Variants in ZNF516 observed in about 807,000 individuals in gnomAD.
The protein encoded by ZNF516 is zinc finger protein 516.
ZNF516 carries 19 observed loss-of-function variants against 79.7 expected under a neutral mutation model. The observed-to-expected ratio is 0.24, with a 90% CI of 0.17 to 0.35. The LOEUF (loss-of-function observed/expected upper bound fraction) is 0.35, where lower values mean the gene tolerates loss of function less well. ZNF516 is among the 10% of genes least tolerant of loss of function. The probability of loss-of-function intolerance (pLI) is 1.00; values close to 1 mark genes in which losing one functional copy is unlikely to be tolerated. For synonymous variants in ZNF516, 877 were observed against 739.5 expected (o/e 1.19, Z -3.02); for missense variants, 1,678 against 1,679.5 (o/e 1.00, Z 0.02).
intron 3 of ZNF516, among the ~76,000 whole-genome samples, chr18:76,430,980 G>A (rs1423362926): frequency 6.6e-6 from 1 of 152,182 alleles, no homozygotes; most frequent in African/African-American, 2.4e-5. Flanking sequence ...AGTAACTGGA[G>A]TCTTACTTTC....
intron 1 of ZNF516, among the ~76,000 whole-genome samples, chr18:76,486,211 T>C (rs571205267): frequency 6.6e-6 from 1 of 152,320 alleles, no homozygotes; most frequent in South Asian, 2.1e-4. Flanking sequence ...CAAACGACCA[T>C]TCTGTACAAC....
At position 76,441,648 on chromosome 18, in the gene ZNF516, A is replaced by C; in HGVS notation, c.1407T>G (p.Asp469Glu). ...VSQEKRKREQDAPAAQGPPRK... is the reference protein window; with the variant it reads ...VSQEKRKREQEAPAAQGPPRK... ...GCGGGGGCCCCTGCGCGGCTGGTGC[A>C]TCCTGCTCACGCTTGCGCTTCTCCT... Residue 469 changes from aspartate to glutamate, a missense_variant, in exon 3 of 7, where the codon GAT (aspartate) becomes GAG (glutamate). Physicochemically the swap from Asp to Glu is conservative, Grantham distance 45. Around this residue, in one of 5 missense-constraint regions of ZNF516, gnomAD observed 1,294 missense variants for 1,248.3 expected, o/e 1.04. Coordinates refer to ENST00000443185, the MANE Select transcript of ZNF516 (RefSeq NM_014643.4). The C allele has an allele frequency of 6.5e-7, 1 of 1,535,270 alleles. No homozygotes were observed. The highest frequency in any genetic ancestry group is 8.8e-7 in the Non-Finnish European group (1 of 1,141,874).
rs1568296763 is a variant in ZNF516, at chr18:76,442,238, A to T, written c.817T>A (p.Ser273Thr). Residue 273 changes from serine (S) to threonine (T), a missense_variant, in exon 3 of 7, where the codon TCC becomes ACC. This residue lies in a region of ZNF516 where 17 missense variants were observed against 51.8 expected (regional missense o/e 0.33). Transcript: ENST00000443185. The part of the protein sequence containing the change: ...LKAHMKKHRG[S>T]FDHGCHICGR... ...CAGATGTGGCAGCCGTGGTCGAAGG[A>T]GCCCCGGTGCTTCTTCATGTGCGCC... The T allele has an allele frequency of 3.1e-6, 5 of 1,613,718 alleles. No homozygotes were observed. The highest frequency in any genetic ancestry group is 1.1e-5 in the South Asian group (1 of 91,078).
intron 1 of ZNF516, chr18:76,491,166 C>T: frequency 2.3e-5 from 21 of 929,906 alleles, no homozygotes; most frequent in South Asian, 4.9e-5. Flanking sequence ...ACCTGGGCTC[C>T]GCCGCGCCTC....
Position 76,378,876 on chromosome 18 carries a change from C to T in ZNF516, c.3238G>A (p.Gly1080Ser), listed in dbSNP as rs745468302. The stretch of plus-strand genomic sequence containing the variant: ...TTACCTCTGTGCTCCAACCCAGGGC[C>T]GCTGACACCCCATCCCTGGTAGAGG... ...ATLYQGWGVS[G>S]PGLEHRGTLR... Residue 1080 changes from glycine (G) to serine (S), a missense_variant, in exon 4 of 7, where the codon GGC (glycine) becomes AGC (serine). By Grantham distance (56) the Gly-to-Ser change is moderately conservative. This residue lies in a region of ZNF516 where 1,294 missense variants were observed against 1,248.3 expected (regional missense o/e 1.04). Coordinates refer to ENST00000443185, the MANE Select transcript of ZNF516 (RefSeq NM_014643.4). The T allele has an allele frequency of 8.7e-6, 14 of 1,613,360 alleles. No homozygotes were observed. The highest frequency in any genetic ancestry group is 3.3e-5 in the South Asian group (3 of 91,032).
At chr18:76,490,249 C>T (rs1329343611) in intron 1 of ZNF516, 5 of 965,608 alleles carry the variant, frequency 5.2e-6, no homozygotes, top group South Asian at 4.8e-5. Flanking sequence ...CCTGACACCA[C>T]GGCAGGCTCC....
chr18:76,471,188 C>T (rs536847044), intron 1 of ZNF516, among the ~76,000 whole-genome samples: 1 of 151,766 alleles, frequency 6.6e-6, no homozygotes, highest in African/African-American at 2.4e-5. Flanking sequence ...TAAAAGTATG[C>T]ATATCTGGCA....
chr18:76,461,641 C>T (rs1424708322), intron 2 of ZNF516, among the ~76,000 whole-genome samples: 1 of 152,234 alleles, frequency 6.6e-6, no homozygotes, highest in Admixed American at 6.5e-5. Context: ...AATCAGAAAA[C>T]ATACATCGGG....
chr18:76,392,732 A>G (rs1269543804), intron 3 of ZNF516, among the ~76,000 whole-genome samples: 6 of 10,640 alleles, frequency 5.6e-4, no homozygotes, highest in African/African-American at 2.9e-3. Context: ...GCAGGTGACC[A>G]GGTGGGGGAA....
chr18:76,463,649 T>C (rs1057062031), intron 1 of ZNF516, among the ~76,000 whole-genome samples: 4 of 152,078 alleles, frequency 2.6e-5, no homozygotes, highest in Non-Finnish European at 5.9e-5. Context: ...AGCATCTGCG[T>C]TTACAAAACA....
At chr18:76,411,173 C>A (rs759524165) in intron 3 of ZNF516, among the ~76,000 whole-genome samples, 1 of 152,210 alleles carries the variant, frequency 6.6e-6, no homozygotes, top group Non-Finnish European at 1.5e-5. Flanking sequence ...CTGTTCAACA[C>A]GTAGCCTCTC....
chr18:76,399,446 G>T (rs1394473508), intron 3 of ZNF516, among the ~76,000 whole-genome samples: 3 of 152,282 alleles, frequency 2.0e-5, no homozygotes, highest in Non-Finnish European at 4.4e-5. Flanking sequence ...CATTACATGT[G>T]GGGGATTATA....
At chr18:76,370,449 C>T (rs1029024960) in intron 6 of ZNF516, 79 bp downstream of exon 6, 49 of 1,334,470 alleles carry the variant, frequency 3.7e-5, no homozygotes, top group Non-Finnish European at 4.6e-5. Context: ...GAAGGTCATG[C>T]TTCAGTGATG....
At chr18:76,479,014 C>G (rs1392947082) in intron 1 of ZNF516, among the ~76,000 whole-genome samples, 1 of 152,002 alleles carries the variant, frequency 6.6e-6, no homozygotes, top group East Asian at 1.9e-4. Context: ...CGAGATCATG[C>G]CACTGCACTC....
At chr18:76,401,032 T>C (rs1474610322) in intron 3 of ZNF516, among the ~76,000 whole-genome samples, 1 of 152,222 alleles carries the variant, frequency 6.6e-6, no homozygotes, top group African/African-American at 2.4e-5. Flanking sequence ...TTCTCTCCTA[T>C]TTTTAAAAAG....
intron 5 of ZNF516, 71 bp downstream of exon 5, chr18:76,371,396 G>T: frequency 6.9e-7 from 1 of 1,439,600 alleles, no homozygotes; most frequent in Non-Finnish European, 9.4e-7. Flanking sequence ...GCTGCGGATG[G>T]TCAAGCCACT....
rs900666113 is a variant in ZNF516 at position 76,467,746 on chromosome 18, G to C, written c.-271-4605C>G. Among the ~76,000 whole-genome samples, 90 of 152,334 alleles carry C rather than the reference G, an allele frequency of 5.9e-4. 1 individual carries two copies. The highest frequency in any genetic ancestry group is 2.0e-3 in the African/African-American group (85 of 41,572). The stretch of plus-strand genomic sequence containing the variant: ...CAAAGCAGAAGTTTAGCAATTTCCT[G>C]CATTTGCAGGCATGTTCAAACTGTA... On this transcript the variant is annotated intron_variant, in intron 1 of 6. Coordinates refer to ENST00000443185, the MANE Select transcript of ZNF516 (RefSeq NM_014643.4). This position sits in a 1 kb window ranked among gnomAD's most constrained non-coding sequence, Gnocchi z 4.2.
At position 76,441,712 on chromosome 18, in the gene ZNF516, G is replaced by C; in HGVS notation, c.1343C>G (p.Ala448Gly). 1 of 1,572,534 alleles carries C rather than the reference G, an allele frequency of 6.4e-7. No individual in the cohort carries two copies. Among genetic ancestry groups the C allele is most frequent in the East Asian group, 2.4e-5 (1 of 42,530 alleles). ...GTACTCGCGCCTGTCCTTGTCGAAG[G>C]CCACGTCCCCGGCCAGCGCCTCGTC... ...AWDEALAGDV[A>G]FDKDRREYVL... Residue 448 changes from alanine to glycine, a missense_variant, in exon 3 of 7, where the codon GCC (alanine) becomes GGC (glycine). Around this residue, in one of 5 missense-constraint regions of ZNF516, gnomAD observed 1,294 missense variants for 1,248.3 expected, o/e 1.04. Transcript: ENST00000443185.
At position 76,359,356 on chromosome 18, in the gene ZNF516, A is replaced by G. The variant is rs931240579; in HGVS notation, c.*3142T>C. On this transcript the variant is annotated 3_prime_UTR_variant, in exon 7 of 7. Transcript: ENST00000443185. The stretch of plus-strand genomic sequence containing the variant: ...TGAAATCTGTCCGTCTAAGATGACA[A>G]TAAGACCTTCCAGGGAACCAGGCAG... 3.3e-5 allele frequency: 5 copies of G among 152,260 alleles called. No homozygotes were observed. Among genetic ancestry groups the G allele is most frequent in the Admixed American group, 1.3e-4 (2 of 15,292 alleles). The allele number at this position is 152,260 out of a possible 1,614,324, so 9.4% of individuals were successfully genotyped here.
Sources: allele counts gnomAD v4.1 joint callset (sites outside exome capture counted in the v4.1 genomes callset), GRCh38; gene constraint gnomAD v4.1.1; regional missense constraint gnomAD v4.1.1; non-coding constraint Gnocchi (gnomAD v3.1); transcripts MANE v1.5; gene names NCBI Gene and HGNC (gene_info 2026-07-23, HGNC 2026-07-21).